Variants in SUN1 observed in about 807,000 individuals in gnomAD.
SUN1 encodes the protein Sad1 and UNC84 domain containing 1.
A neutral mutation model predicts 103.2 loss-of-function variants in SUN1; 61 were observed. The observed-to-expected ratio is 0.59, with a 90% confidence interval of 0.48 to 0.73. SUN1 has a LOEUF of 0.73. Ranked by LOEUF, SUN1 falls within the 30% of genes least tolerant of loss-of-function variation. The pLI, the probability that SUN1 is intolerant of heterozygous loss-of-function variation, is 0.00. For synonymous variants in SUN1, 490 were observed against 425.7 expected (o/e 1.15, Z -1.86); for missense variants, 1,052 against 1,034.6 (o/e 1.02, Z -0.23).
intron 7 of SUN1, 47 bp downstream of exon 7, chr7:852,090 T>G: frequency 6.6e-7 from 1 of 1,503,760 alleles, no homozygotes; most frequent in South Asian, 1.1e-5. Flanking sequence ...AGGAACCAAT[T>G]TTGTGCCAAT....
At chr7:840,459 G>A (rs1266372793) in intron 2 of SUN1, among the ~76,000 whole-genome samples, 3 of 152,232 alleles carry the variant, frequency 2.0e-5, no homozygotes, top group Non-Finnish European at 2.9e-5. Flanking sequence ...TCCTCCCTCT[G>A]CCGGGTGTCA....
At chr7:873,099 A>C in intron 18 of SUN1, 116 bp from the exon 19 acceptor site, 1 of 960,484 alleles carries the variant, frequency 1.0e-6, no homozygotes. Context: ...CAACAACAAC[A>C]AAAGGTTAAT....
rs184047790 is a variant in SUN1, at chr7:856,440, G to C, written c.1394+39G>C. 1.9e-4 allele frequency: 299 copies of C among 1,611,118 alleles called. 1 individual carries two copies. In the East Asian group the frequency reaches 6.4e-3, roughly 35 times the overall value. On this transcript the variant is annotated intron_variant, in intron 12 of 18. Coordinates refer to ENST00000401592, the MANE Select transcript of SUN1 (RefSeq NM_001130965.3). Reference sequence around the variant, plus strand: ...GAAAACATTCACTTTTGTCTTCGGTGTGTGTGTGTGGTTATGTGGAGCGGC... The same window carrying C: ...GAAAACATTCACTTTTGTCTTCGGTCTGTGTGTGTGGTTATGTGGAGCGGC...
chr7:872,019 C>T (rs1043207368), intron 17 of SUN1, among the ~76,000 whole-genome samples: 13 of 152,156 alleles, frequency 8.5e-5, no homozygotes, highest in Non-Finnish European at 1.0e-4. Flanking sequence ...CTTAGGCCGG[C>T]ACTCGCTCCC....
intron 5 of SUN1, among the ~76,000 whole-genome samples, chr7:844,377 C>T (rs958725171): frequency 6.6e-6 from 1 of 152,194 alleles, no homozygotes; most frequent in African/African-American, 2.4e-5. Context: ...CTCAGGAGGG[C>T]AGGGCCAGGT....
At chr7:836,367 G>T (rs1452528580) in intron 1 of SUN1, among the ~76,000 whole-genome samples, 2 of 152,174 alleles carry the variant, frequency 1.3e-5, no homozygotes, top group Non-Finnish European at 2.9e-5. Context: ...AGGTGCATAG[G>T]AATAGATTGA....
At chr7:819,401 C>T (rs1364956876) in intron 1 of SUN1, among the ~76,000 whole-genome samples, 1 of 152,114 alleles carries the variant, frequency 6.6e-6, no homozygotes, top group Non-Finnish European at 1.5e-5. Flanking sequence ...TGATGTCATA[C>T]CTAAGAACTC....
chr7:847,497 C>G (rs532340372), intron 5 of SUN1, among the ~76,000 whole-genome samples: 31 of 100,070 alleles, frequency 3.1e-4, no homozygotes, highest in Middle Eastern at 0.018. Context: ...CCCACAGCGC[C>G]GTGCGCCAGC....
intron 15 of SUN1, among the ~76,000 whole-genome samples, chr7:864,649 CAA>C (rs1291252642): frequency 6.4e-5 from 5 of 78,176 alleles, no homozygotes; most frequent in East Asian, 4.0e-4. Flanking sequence ...TTCGTAGAGA[CAA>C]AGAGTCTCGC....
upstream of SUN1, among the ~76,000 whole-genome samples, chr7:829,067 G>A (rs905622689): frequency 6.6e-6 from 1 of 152,278 alleles, no homozygotes; most frequent in Non-Finnish European, 1.5e-5. Flanking sequence ...ACAGATGCCA[G>A]CAGGAGCATC....
rs1259816397 is a variant in SUN1, at chr7:853,347, T to C, written c.1054-62T>C. The C allele has an allele frequency of 4.4e-6, 7 of 1,588,314 alleles. 1 individual carries two copies. The Admixed American group carries it at 6.7e-5, about 15-fold the overall frequency. ...TGCTGTAGGACACTGTTTGGAGGTT[T>C]AACTGACTCTGTGCTCATGCTTGTT... On this transcript the variant is annotated intron_variant, in intron 9 of 18. Coordinates refer to ENST00000401592, the MANE Select transcript of SUN1 (RefSeq NM_001130965.3).
intron 3 of SUN1, chr7:842,361 T>C (rs924897570): frequency 7.3e-6 from 4 of 549,364 alleles, no homozygotes; most frequent in East Asian, 6.3e-5. Flanking sequence ...GCTGCTTCCA[T>C]GTGCGCCTTG....
chr7:852,315 C>A, intron 7 of SUN1: 2 of 595,642 alleles, frequency 3.4e-6, no homozygotes, highest in Non-Finnish European at 5.9e-6. Flanking sequence ...TTCTGCCCTG[C>A]TGCAGTTCCC....
intron 12 of SUN1, among the ~76,000 whole-genome samples, chr7:856,655 CTG>C (rs1827686048): frequency 6.6e-6 from 1 of 152,184 alleles, no homozygotes; most frequent in African/African-American, 2.4e-5. Flanking sequence ...GTCCGCGCCC[CTG>C]CTGTGACCCG....
intron 13 of SUN1, 115 bp from the exon 14 acceptor site, chr7:860,013 A>T: frequency 1.5e-6 from 2 of 1,316,642 alleles, no homozygotes; most frequent in Non-Finnish European, 2.1e-6. Flanking sequence ...TCACAATGAC[A>T]TTCTAGATTT....
upstream of SUN1, among the ~76,000 whole-genome samples, chr7:831,340 C>T (rs894855531): frequency 6.5e-4 from 97 of 150,262 alleles, no homozygotes; most frequent in African/African-American, 2.2e-3. Flanking sequence ...GGTACGATCT[C>T]GGCTCACTGC....
upstream of SUN1, among the ~76,000 whole-genome samples, chr7:828,323 G>A (rs1794707123): frequency 1.3e-5 from 2 of 152,044 alleles, no homozygotes; most frequent in African/African-American, 2.4e-5. Flanking sequence ...CCAGGCTGGA[G>A]TGCAGTGGTG....
intron 17 of SUN1, among the ~76,000 whole-genome samples, chr7:871,419 C>T (rs775251094): frequency 4.6e-5 from 7 of 151,974 alleles, no homozygotes; most frequent in Non-Finnish European, 8.8e-5. Context: ...GACCGAGTCT[C>T]GCTCTGTCAC....
At chr7:856,195 G>A (rs1336151132) in intron 11 of SUN1, among the ~76,000 whole-genome samples, 163 bp from the exon 12 acceptor site, 1 of 152,226 alleles carries the variant, frequency 6.6e-6, no homozygotes, top group Admixed American at 6.5e-5. Context: ...AGGTTACTTT[G>A]AAATGTTCAA....
Sources: allele counts gnomAD v4.1 joint callset (sites outside exome capture counted in the v4.1 genomes callset), GRCh38; gene constraint gnomAD v4.1.1; transcripts MANE v1.5; gene names NCBI Gene and HGNC (gene_info 2026-07-23, HGNC 2026-07-21).